The following MBNL1 variants were observed in gnomAD, a reference collection of about 807,000 sequenced individuals.
MBNL1 encodes the protein muscleblind-like protein 1.
MBNL1 carries 8 observed loss-of-function variants against 42.2 expected under a neutral mutation model. The ratio of observed to expected loss-of-function variants is 0.19; its 90% confidence interval spans 0.11 to 0.34. The LOEUF (loss-of-function observed/expected upper bound fraction) is 0.34. Ranked by LOEUF, MBNL1 falls within the 10% of genes least tolerant of loss-of-function variation. The pLI, the probability that MBNL1 is intolerant of heterozygous loss-of-function variation, is 1.00. For missense variants in MBNL1, 309 were observed against 495.3 expected, an observed-to-expected ratio of 0.62 and a Z score of 3.57; for synonymous variants, 169 against 173.9, an observed-to-expected ratio of 0.97 and a Z score of 0.22.
intron 4 of MBNL1, among the ~76,000 whole-genome samples, chr3:152,434,809 A>AT (rs1322280168): frequency 1.3e-5 from 2 of 151,944 alleles, no homozygotes; most frequent in Non-Finnish European, 2.9e-5. Context: ...GATAATGGGA[A>AT]TTTTTCATAT....
At chr3:152,266,139 T>C (rs1490939949), upstream of MBNL1, 5 of 152,250 alleles carry the variant, frequency 3.3e-5, no homozygotes, top group African/African-American at 1.2e-4. Flanking sequence ...TTTAGTGTTA[T>C]ATCACAATTT....
rs1028191431 is a variant in MBNL1 at position 152,463,873 on chromosome 3, T to G, written c.*1507T>G. On this transcript the variant is annotated 3_prime_UTR_variant, in exon 10 of 10. Transcript: ENST00000324210. ...AGTATGGAATGGGAGAAGTGAAAGT[T>G]CAGTTATAGAACTTTCCATACTTCC... 2 of 152,548 alleles carry G rather than the reference T, an allele frequency of 1.3e-5. No homozygotes were observed. Among genetic ancestry groups the G allele is most frequent in the Non-Finnish European group, 2.9e-5 (2 of 67,956 alleles). 9.4% of individuals were successfully genotyped at this position (152,548 alleles called of 1,614,324 possible).
chr3:152,329,736 T>TATATA (rs1368416851), intron 2 of MBNL1, among the ~76,000 whole-genome samples: 1 of 147,274 alleles, frequency 6.8e-6, no homozygotes, highest in East Asian at 1.9e-4. Context: ...TAATATATAA[T>TATATA]ATATATAAGA....
chr3:152,437,213 T>C (rs1028732997), intron 4 of MBNL1, among the ~76,000 whole-genome samples: 1 of 152,198 alleles, frequency 6.6e-6, no homozygotes, highest in African/African-American at 2.4e-5. Flanking sequence ...GGTGAAAAAT[T>C]TTCGGAATCA....
At chr3:152,368,641 A>G (rs1426353296) in intron 2 of MBNL1, among the ~76,000 whole-genome samples, 3 of 152,170 alleles carry the variant, frequency 2.0e-5, no homozygotes, top group Non-Finnish European at 2.9e-5. Flanking sequence ...CTTCCTTTCC[A>G]TGAGCATGGA....
intron 2 of MBNL1, among the ~76,000 whole-genome samples, chr3:152,383,684 A>C (rs2153424649): frequency 6.6e-6 from 1 of 152,218 alleles, no homozygotes; most frequent in South Asian, 2.1e-4. Flanking sequence ...CGTTGTATTC[A>C]TGCTGAGGTG....
chr3:152,408,242 G>A (rs1579773732), intron 2 of MBNL1, among the ~76,000 whole-genome samples: 1 of 151,976 alleles, frequency 6.6e-6, no homozygotes, highest in East Asian at 1.9e-4. Flanking sequence ...CTTATTAACA[G>A]GATATATACT....
chr3:152,443,712 T>C (rs949328070), intron 4 of MBNL1, among the ~76,000 whole-genome samples: 7 of 152,116 alleles, frequency 4.6e-5, no homozygotes, highest in African/African-American at 1.7e-4. Context: ...TTGGTAATAC[T>C]TTTTTTCTTA....
intron 2 of MBNL1, among the ~76,000 whole-genome samples, chr3:152,319,614 G>GTT (rs202070328): frequency 0.08 from 6,415 of 79,804 alleles, 651 homozygotes; most frequent in African/African-American, 0.1. Context: ...GTTCTATACT[G>GTT]TTTTTTTTTT....
rs796920923 is a variant in MBNL1, at chr3:152,435,060, A to AT, written c.549+2151dup. On this transcript the variant is annotated intron_variant, in intron 4 of 9. Coordinates refer to ENST00000324210, the MANE Select transcript of MBNL1 (RefSeq NM_021038.5). ...TAGTTTAATTAGATATCATTTTTCCATTTTTTTTTTTCGTTGCGATTGCTT... is the reference window on the plus strand; with the variant it reads ...TAGTTTAATTAGATATCATTTTTCCATTTTTTTTTTTTCGTTGCGATTGCTT... Among the ~76,000 whole-genome samples the AT allele has an allele frequency of 2.7e-3, 362 of 133,634 alleles. 2 individuals are homozygous for AT. The highest frequency in any genetic ancestry group is 8.3e-3 in the African/African-American group (305 of 36,678). The allele number at this position is 133,634 out of a possible 152,430, so 87.7% of individuals were successfully genotyped here. A position where few individuals can be genotyped will look rare whatever the true frequency, so the allele number is the denominator to read the frequency against.
At chr3:152,304,255 A>G (rs2061928531) in intron 2 of MBNL1, among the ~76,000 whole-genome samples, 1 of 152,180 alleles carries the variant, frequency 6.6e-6, no homozygotes, top group African/African-American at 2.4e-5. Flanking sequence ...GACATGATAA[A>G]GTAGTCCCAA....
intron 2 of MBNL1, among the ~76,000 whole-genome samples, chr3:152,414,172 A>G (rs2098654211): frequency 6.6e-6 from 1 of 152,266 alleles, no homozygotes; most frequent in East Asian, 1.9e-4. Context: ...GACAGAGTAC[A>G]GAGGTAGTGC....
chr3:152,306,211 A>G lies in MBNL1; in HGVS notation c.174+5844A>G, dbSNP rs952915396. On this transcript the variant is annotated intron_variant, in intron 2 of 9. Transcript: ENST00000324210. The stretch of plus-strand genomic sequence containing the variant: ...ATAGTCACACAGAAGTGATTTAGAC[A>G]TTTTGTCTGTGAAGAATTAGATTCA... 4.6e-5 allele frequency among the ~76,000 whole-genome samples: 7 copies of G among 152,204 alleles called. No individual in the cohort carries two copies. The East Asian group carries it at 1.2e-3, about 25-fold the overall frequency.
chr3:152,359,833 A>G (rs1196508096), intron 2 of MBNL1, among the ~76,000 whole-genome samples: 1 of 152,214 alleles, frequency 6.6e-6, no homozygotes, highest in African/African-American at 2.4e-5. Context: ...GAGTTCAGAC[A>G]TTAGGTAAAT....
At chr3:152,394,328 T>C (rs1560425445) in intron 2 of MBNL1, among the ~76,000 whole-genome samples, 1 of 152,246 alleles carries the variant, frequency 6.6e-6, no homozygotes, top group Non-Finnish European at 1.5e-5. Context: ...ACAGACTGTT[T>C]GCTTAATTGC....
chr3:152,458,224 A>G (rs749250200), intron 8 of MBNL1: 1 of 1,603,614 alleles, frequency 6.2e-7, no homozygotes, highest in Admixed American at 1.7e-5. Flanking sequence ...CTTGGAGCAC[A>G]TTTTCGTGCC....
intron 2 of MBNL1, among the ~76,000 whole-genome samples, chr3:152,346,359 C>T (rs528251786): frequency 1.2e-4 from 19 of 152,090 alleles, no homozygotes; most frequent in Non-Finnish European, 2.4e-4. Context: ...TTTAAATCAT[C>T]GTTTATTTAT....
chr3:152,355,194 G>A (rs980635125), intron 2 of MBNL1, among the ~76,000 whole-genome samples: 3 of 152,128 alleles, frequency 2.0e-5, no homozygotes, highest in African/African-American at 7.2e-5. Flanking sequence ...AACATGATTG[G>A]TGCTGGGACT....
intron 2 of MBNL1, chr3:152,341,009 T>C: frequency 7.5e-7 from 1 of 1,326,730 alleles, no homozygotes; most frequent in East Asian, 2.5e-5. Context: ...AACTGTACGA[T>C]GCTTATTTTT....
Sources: gnomAD v4.1 joint callset for allele counts (sites outside exome capture counted in the v4.1 genomes callset) on GRCh38, gnomAD v4.1.1 for gene constraint, MANE v1.5 for transcripts, NCBI Gene and HGNC (gene_info 2026-07-23, HGNC 2026-07-21) for gene names.